PCBP2: variants seen among roughly 807,000 people sequenced by gnomAD.
PCBP2 encodes the protein poly(rC) binding protein 2.
In PCBP2, 4 loss-of-function variants were observed where a neutral mutation model predicts 50.1. The observed-to-expected ratio is 0.08, with a 90% confidence interval of 0.04 to 0.18. The LOEUF is 0.18. Ranked by LOEUF, PCBP2 falls within the 10% of genes least tolerant of loss-of-function variation. The pLI, the probability that PCBP2 is intolerant of heterozygous loss-of-function variation, is 1.00. For missense variants in PCBP2, 161 were observed against 474.3 expected, an observed-to-expected ratio of 0.34 and a Z score of 6.14; for synonymous variants, 179 against 168.0, an observed-to-expected ratio of 1.07 and a Z score of -0.51.
intron 12 of PCBP2, chr12:53,468,554 G>T: frequency 1.8e-6 from 1 of 542,474 alleles, no homozygotes; most frequent in Non-Finnish European, 3.3e-6. Context: ...GCAGGAAATG[G>T]CATGAAATCA....
At chr12:53,454,593 T>C in intron 1 of PCBP2, 133 bp from the exon 2 acceptor site, 1 of 569,376 alleles carries the variant, frequency 1.8e-6, no homozygotes, top group South Asian at 2.0e-5. Flanking sequence ...TTGTGCTTGG[T>C]GTGTATATAA....
chr12:53,459,777 ACGGT>A (rs1565860257), intron 6 of PCBP2: 1 of 338,730 alleles, frequency 3.0e-6, no homozygotes. Flanking sequence ...TTTTTTTGAC[ACGGT>A]CTCACTCTGT....
chr12:53,454,909 AGG>A (rs748955849), intron 2 of PCBP2, 40 bp downstream of exon 2: 1 of 1,532,828 alleles, frequency 6.5e-7, no homozygotes, highest in South Asian at 1.1e-5. Flanking sequence ...AGTAACTGCT[AGG>A]GGAGGGGCCA....
chr12:53,465,237 C>T (rs1047867805), intron 9 of PCBP2, among the ~76,000 whole-genome samples: 1 of 151,938 alleles, frequency 6.6e-6, no homozygotes, highest in African/African-American at 2.4e-5. Flanking sequence ...CTTTTCCTTT[C>T]CTCCTTTTCC....
At position 53,467,001 on chromosome 12, in the gene PCBP2, G is replaced by A. The variant is rs1941871792; in HGVS notation, c.715-220G>A. 2.0e-5 allele frequency among the ~76,000 whole-genome samples: 3 copies of A among 152,046 alleles called. No individual in the cohort carries two copies. The South Asian group carries it at 6.2e-4, about 31-fold the overall frequency. On this transcript the variant is annotated intron_variant, in intron 10 of 14. Transcript: ENST00000546463. The stretch of plus-strand genomic sequence containing the variant: ...GCTTTTCTATTCCCACACCCAAAAG[G>A]CATTCATTCTCTTCCAGGCACCCAT...
intron 8 of PCBP2, among the ~76,000 whole-genome samples, chr12:53,462,884 T>C (rs567445622): frequency 6.6e-6 from 1 of 152,288 alleles, no homozygotes; most frequent in Admixed American, 6.5e-5. Flanking sequence ...TGTGGGGTGA[T>C]ATTTAGAGGT....
chr12:53,472,343 G>A (rs1327197360), intron 14 of PCBP2, among the ~76,000 whole-genome samples: 1 of 152,170 alleles, frequency 6.6e-6, no homozygotes, highest in Admixed American at 6.5e-5. Flanking sequence ...GTATTGGAAT[G>A]TTTCGGAAGT....
chr12:53,464,893 T>C (rs1400446737), intron 9 of PCBP2, 41 bp downstream of exon 9: 1 of 1,557,980 alleles, frequency 6.4e-7, no homozygotes, highest in African/African-American at 1.4e-5. Context: ...ACTCAATCCT[T>C]CCGCCTCAGC....
In PCBP2 at chr12:53,456,030, C is replaced by T. The variant is rs1193682704; in HGVS notation, c.243+29C>T. On this transcript the variant is annotated intron_variant, in intron 5 of 14. Transcript: ENST00000546463. Reference sequence around the variant, plus strand: ...TGTTGTCTCCCACTCCCTCATTCTTCATTTTTAAGTGCTTCCAGAGAGCTT... The same window carrying T: ...TGTTGTCTCCCACTCCCTCATTCTTTATTTTTAAGTGCTTCCAGAGAGCTT... 3.1e-6 allele frequency: 4 copies of T among 1,293,074 alleles called. No individual in the cohort carries two copies. The East Asian group carries it at 6.9e-5, about 22-fold the overall frequency. The allele number at this position is 1,293,074 out of a possible 1,614,324, so 80.1% of individuals were successfully genotyped here. A position where few individuals can be genotyped will look rare whatever the true frequency, so the allele number is the denominator to read the frequency against.
At chr12:53,459,835 G>A in intron 6 of PCBP2, 1 of 453,494 alleles carries the variant, frequency 2.2e-6, no homozygotes, top group South Asian at 1.6e-5. Context: ...GCTCACTGCA[G>A]CAAAACATCG....
chr12:53,454,779 G>C lies in PCBP2; in HGVS notation c.-22G>C, dbSNP rs770001836. 1.2e-6 allele frequency: 2 copies of C among 1,611,364 alleles called. No homozygotes were observed. Among genetic ancestry groups the C allele is most frequent in the South Asian group, 2.2e-5 (2 of 90,980 alleles). On this transcript the variant is annotated 5_prime_UTR_variant, in exon 2 of 15. Coordinates refer to ENST00000546463, the MANE Select transcript of PCBP2 (RefSeq NM_031989.5). ...CAAAGACTTGACCACTCAAAGTCCA[G>C]CTCCCCAGAACACTGCTCGACATGG...
chr12:53,468,908 C>G, intron 13 of PCBP2, 76 bp downstream of exon 13: 1 of 995,528 alleles, frequency 1.0e-6, no homozygotes, highest in Admixed American at 2.3e-5. Flanking sequence ...TCAGCAGTGT[C>G]CTGCTACCCT....
At chr12:53,464,629 C>T (rs1318847165) in intron 8 of PCBP2, 131 bp from the exon 9 acceptor site, 4 of 1,281,182 alleles carry the variant, frequency 3.1e-6, no homozygotes, top group African/African-American at 3.1e-5. Context: ...CAGCTCGTTT[C>T]AAATTGTGTC....
intron 8 of PCBP2, among the ~76,000 whole-genome samples, chr12:53,463,316 G>T (rs1941582499): frequency 1.3e-5 from 2 of 152,274 alleles, no homozygotes; most frequent in South Asian, 4.1e-4. Flanking sequence ...AAGGACCATG[G>T]TAGTCCTATG....
chr12:53,470,533 T>C (rs1450341945), intron 13 of PCBP2, among the ~76,000 whole-genome samples: 1 of 151,486 alleles, frequency 6.6e-6, no homozygotes, highest in Non-Finnish European at 1.5e-5. Flanking sequence ...GCCTCCTGAG[T>C]AGCTGGGACC....
chr12:53,472,290 A>T (rs192104155), intron 14 of PCBP2, among the ~76,000 whole-genome samples: 1 of 152,206 alleles, frequency 6.6e-6, no homozygotes, highest in Non-Finnish European at 1.5e-5. Context: ...CTCACACTGC[A>T]TGTGTGTTTT....
At chr12:53,456,240 G>A (rs1940998702) in intron 5 of PCBP2, among the ~76,000 whole-genome samples, 1 of 152,088 alleles carries the variant, frequency 6.6e-6, no homozygotes, top group African/African-American at 2.4e-5. Context: ...GGCTGAGGCG[G>A]GCAGATAAAC....
At chr12:53,460,607 C>A in intron 6 of PCBP2, 1 of 214,768 alleles carries the variant, frequency 4.7e-6, no homozygotes, top group Non-Finnish European at 9.7e-6. Flanking sequence ...TTGTTAATTG[C>A]TATATTCGAA....
At chr12:53,458,129 A>C (rs1409968405) in intron 5 of PCBP2, among the ~76,000 whole-genome samples, 1 of 151,654 alleles carries the variant, frequency 6.6e-6, no homozygotes, top group Non-Finnish European at 1.5e-5. Flanking sequence ...GGGCTTCACC[A>C]TGTTGGCCAG....
Sources: gnomAD v4.1 joint callset for allele counts (sites outside exome capture counted in the v4.1 genomes callset) on GRCh38, gnomAD v4.1.1 for gene constraint, MANE v1.5 for transcripts, NCBI Gene and HGNC (gene_info 2026-07-23, HGNC 2026-07-21) for gene names.